Variants in CCDC102B observed in about 807,000 individuals in gnomAD.
CCDC102B encodes the protein coiled-coil domain-containing protein 102B.
CCDC102B carries 75 observed loss-of-function variants against 57.4 expected under a neutral mutation model. The observed-to-expected ratio is 1.31, with a 90% CI of 1.08 to 1.58. The LOEUF (loss-of-function observed/expected upper bound fraction) is 1.58, where lower values mean the gene tolerates loss of function less well. CCDC102B is among the 40% of genes most tolerant of loss of function. The pLI, the probability that CCDC102B is intolerant of heterozygous loss-of-function variation, is 0.00. For synonymous variants in CCDC102B, 206 were observed against 201.9 expected, an observed-to-expected ratio of 1.02 and a Z score of -0.17; for missense variants, 636 against 582.6, an observed-to-expected ratio of 1.09 and a Z score of -0.94.
rs542501367 is a variant in CCDC102B, at chr18:68,759,317, T to A, written c.-67+42723T>A. Among the ~76,000 whole-genome samples, 422 of 152,216 alleles carry A rather than the reference T, an allele frequency of 2.8e-3. 3 individuals carry two copies. Among genetic ancestry groups the A allele is most frequent in the African/African-American group, 9.2e-3 (381 of 41,560 alleles). ...TAACACAATAATCAAGAAAATTTTA[T>A]AGGAACTTAAAGAAATGAGTTGCCA... is the stretch of plus-strand genomic sequence containing the variant. On this transcript the variant is annotated intron_variant, in intron 2 of 3. Transcript: ENST00000578970.
intron 6 of CCDC102B, among the ~76,000 whole-genome samples, chr18:69,008,146 G>T (rs1214990175): frequency 1.3e-5 from 2 of 152,168 alleles, no homozygotes; most frequent in African/African-American, 2.4e-5. Flanking sequence ...GATCAAGAAA[G>T]ATCTTTTTTT....
chr18:68,741,444 A>G (rs551575998), intron 2 of CCDC102B, among the ~76,000 whole-genome samples: 2 of 152,282 alleles, frequency 1.3e-5, no homozygotes, highest in South Asian at 2.1e-4. Flanking sequence ...TCTCAGTGCA[A>G]TTCTGGGATA....
At chr18:68,723,923 C>G (rs1046156753) in intron 2 of CCDC102B, among the ~76,000 whole-genome samples, 17 of 152,214 alleles carry the variant, frequency 1.1e-4, no homozygotes, top group Non-Finnish European at 2.1e-4. Flanking sequence ...CTGCCCTCCC[C>G]TAGTAGAGGT....
At chr18:69,034,829 G>A (rs1340925660) in intron 7 of CCDC102B, among the ~76,000 whole-genome samples, 2 of 151,398 alleles carry the variant, frequency 1.3e-5, no homozygotes, top group Non-Finnish European at 3.0e-5. Flanking sequence ...ATATACATGG[G>A]AAATAATTGG....
intron 2 of CCDC102B, among the ~76,000 whole-genome samples, chr18:68,732,339 C>CTT (rs1488024160): frequency 1.3e-5 from 2 of 149,308 alleles, no homozygotes. Context: ...TGAAGGCCTT[C>CTT]TTTTTTTTTC....
chr18:68,838,874 G>C lies in CCDC102B; in HGVS notation c.775G>C (p.Ala259Pro). The change falls in exon 3 of 8, where the codon GCT becomes CCT. Residue 259 changes from alanine to proline, a missense_variant. Physicochemically the swap from Ala to Pro is conservative, Grantham distance 27. Coordinates refer to ENST00000360242, the MANE Select transcript of CCDC102B (RefSeq NM_024781.3). The part of the protein sequence containing the change: ...PLENEVTEIS[A>P]LQVHLDEFQK... ...GGAAAATGAAGTAACTGAAATTTCA[G>C]CTTTGCAGGTGCATTTGGATGAATT... 1 of 1,613,974 alleles carries C rather than the reference G, an allele frequency of 6.2e-7. No homozygotes were observed. The highest frequency in any genetic ancestry group is 8.5e-7 in the Non-Finnish European group (1 of 1,179,964).
intron 6 of CCDC102B, among the ~76,000 whole-genome samples, chr18:68,977,371 C>T (rs921610541): frequency 6.6e-6 from 1 of 151,790 alleles, no homozygotes; most frequent in Admixed American, 6.6e-5. Flanking sequence ...ACCCATCAAC[C>T]CACCATTTAC....
intron 6 of CCDC102B, among the ~76,000 whole-genome samples, chr18:68,962,576 T>G (rs1002908935): frequency 3.9e-5 from 6 of 152,050 alleles, no homozygotes; most frequent in African/African-American, 1.4e-4. Context: ...AGATTATATA[T>G]TAAGCATTTA....
chr18:69,000,897 A>T (rs1465982606), intron 6 of CCDC102B, among the ~76,000 whole-genome samples: 1 of 152,074 alleles, frequency 6.6e-6, no homozygotes, highest in East Asian at 1.9e-4. Flanking sequence ...TTCATACTGT[A>T]GGATCTTAAT....
intron 4 of CCDC102B, among the ~76,000 whole-genome samples, chr18:68,865,738 A>G (rs1182108116): frequency 6.6e-6 from 1 of 152,180 alleles, no homozygotes; most frequent in Admixed American, 6.5e-5. Context: ...TGTTGTTGAG[A>G]AATAAACTAA....
intron 6 of CCDC102B, among the ~76,000 whole-genome samples, chr18:68,997,124 T>C (rs12232567): frequency 0.86 from 130,327 of 151,870 alleles, 57,843 homozygotes; most frequent in Non-Finnish European, 0.97. Flanking sequence ...TGCCTTCCAC[T>C]GTGATTGTAA....
chr18:69,034,848 TG>T (rs945475465), intron 7 of CCDC102B, among the ~76,000 whole-genome samples: 19 of 151,786 alleles, frequency 1.3e-4, no homozygotes, highest in African/African-American at 4.3e-4. Context: ...GGTTTCCTTT[TG>T]GGAAATAATT....
At chr18:68,818,864 T>C (rs1255445372) in intron 1 of CCDC102B, among the ~76,000 whole-genome samples, 1 of 152,176 alleles carries the variant, frequency 6.6e-6, no homozygotes, top group African/African-American at 2.4e-5. Context: ...TGCACTTCCT[T>C]AGTAACATAT....
intron 2 of CCDC102B, among the ~76,000 whole-genome samples, chr18:68,785,968 C>T (rs1486271831): frequency 2.0e-5 from 3 of 152,096 alleles, no homozygotes; most frequent in East Asian, 3.9e-4. Context: ...TTAGGTCTAA[C>T]GTTTAGGTCT....
intron 5 of CCDC102B, among the ~76,000 whole-genome samples, chr18:68,882,577 G>A (rs1383324727): frequency 1.3e-5 from 2 of 152,096 alleles, no homozygotes; most frequent in Admixed American, 6.6e-5. Flanking sequence ...ATTCATTTTA[G>A]CTCCTAAATA....
chr18:68,887,358 T>G (rs1229464830), intron 5 of CCDC102B, among the ~76,000 whole-genome samples: 9 of 152,144 alleles, frequency 5.9e-5, no homozygotes, highest in Non-Finnish European at 1.3e-4. Flanking sequence ...GATTTTGAAC[T>G]CTGGTCATAA....
chr18:68,807,524 C>G (rs146795914), intron 1 of CCDC102B, among the ~76,000 whole-genome samples: 6 of 151,960 alleles, frequency 3.9e-5, no homozygotes, highest in African/African-American at 1.4e-4. Context: ...AAATAAAAAC[C>G]AAGCAAGCTT....
chr18:68,830,321 G>A (rs995516603), intron 1 of CCDC102B, among the ~76,000 whole-genome samples: 2 of 151,960 alleles, frequency 1.3e-5, no homozygotes, highest in Non-Finnish European at 2.9e-5. Context: ...CCTGGAAATA[G>A]TGCTAAGCTG....
chr18:68,887,192 G>C (rs535050333), intron 5 of CCDC102B, among the ~76,000 whole-genome samples: 2 of 152,252 alleles, frequency 1.3e-5, no homozygotes, highest in African/African-American at 4.8e-5. Flanking sequence ...AGGGAAGGAA[G>C]TTCTTCCTTC....
Sources: allele counts gnomAD v4.1 joint callset (sites outside exome capture counted in the v4.1 genomes callset), GRCh38; gene constraint gnomAD v4.1.1; transcripts MANE v1.5; gene names NCBI Gene and HGNC (gene_info 2026-07-23, HGNC 2026-07-21).